CS: variants seen among roughly 807,000 people sequenced by gnomAD.
CS encodes the protein citrate synthase.
In CS, 13 loss-of-function variants were observed where a neutral mutation model predicts 61.4. The ratio of observed to expected loss-of-function variants is 0.21; its 90% CI spans 0.14 to 0.34. CS has a LOEUF of 0.34. CS is among the 10% of genes least tolerant of loss of function. The pLI, the probability that CS is intolerant of heterozygous loss-of-function variation, is 1.00. For synonymous variants in CS, 159 were observed against 215.2 expected, an observed-to-expected ratio of 0.74 and a Z score of 2.29; for missense variants, 278 against 573.4, an observed-to-expected ratio of 0.48 and a Z score of 5.26.
intron 2 of CS, 166 bp from the exon 3 acceptor site, chr12:56,286,189 A>C: frequency 1.6e-6 from 1 of 606,954 alleles, no homozygotes; most frequent in Non-Finnish European, 2.9e-6. Flanking sequence ...CAGGGGGAAG[A>C]AGGAATGAGG....
intron 7 of CS, 189 bp downstream of exon 7, chr12:56,275,807 G>A: frequency 1.6e-6 from 1 of 607,136 alleles, no homozygotes; most frequent in South Asian, 2.0e-5. Flanking sequence ...CATGGTTACA[G>A]TAATTTCTTT....
intron 6 of CS, among the ~76,000 whole-genome samples, chr12:56,278,373 C>G (rs1371463585): frequency 6.6e-6 from 1 of 152,138 alleles, no homozygotes; most frequent in Non-Finnish European, 1.5e-5. Context: ...GGTTATCCAC[C>G]TTCCTCGGCC....
At position 56,272,519 on chromosome 12, in the gene CS, C is replaced by T. The variant is rs1872541342; in HGVS notation, c.*565G>A. ...ATTGGGTGCCAGTCACAACAAATGC[C>T]ATGCCTTTATGGTCACTTGGTAGTA... On this transcript the variant is annotated 3_prime_UTR_variant, in exon 11 of 11. Transcript: ENST00000351328. The T allele has an allele frequency of 6.6e-6, 1 of 152,548 alleles. No individual in the cohort carries two copies. The highest frequency in any genetic ancestry group is 2.1e-4 in the South Asian group (1 of 4,836). 9.4% of individuals were successfully genotyped at this position (152,548 alleles called of 1,614,324 possible).
intron 6 of CS, 82 bp from the exon 7 acceptor site, chr12:56,276,277 A>G (rs1872622186): frequency 7.4e-7 from 1 of 1,350,306 alleles, no homozygotes. Flanking sequence ...TCTGTCCTCC[A>G]TGAATTGGGG....
At chr12:56,278,602 T>G (rs1183223483) in intron 6 of CS, among the ~76,000 whole-genome samples, 1 of 151,680 alleles carries the variant, frequency 6.6e-6, no homozygotes, top group Non-Finnish European at 1.5e-5. Context: ...ATGGGCGTGG[T>G]GGCTTGCACC....
intron 1 of CS, among the ~76,000 whole-genome samples, chr12:56,289,841 C>T (rs1318964619): frequency 1.3e-5 from 2 of 152,150 alleles, no homozygotes; most frequent in Non-Finnish European, 2.9e-5. Flanking sequence ...CTTCCTACCT[C>T]AGTCTCCCAC....
At chr12:56,288,346 A>ATTTT (rs1164867172) in intron 1 of CS, among the ~76,000 whole-genome samples, 9 of 123,136 alleles carry the variant, frequency 7.3e-5, no homozygotes, top group Non-Finnish European at 1.0e-4. Flanking sequence ...GCTTTTTAGA[A>ATTTT]TTTTTTTTTT....
chr12:56,297,995 C>A (rs574359101), intron 1 of CS, among the ~76,000 whole-genome samples: 2 of 152,056 alleles, frequency 1.3e-5, no homozygotes, highest in Non-Finnish European at 2.9e-5. Context: ...TGCTACCCCC[C>A]CCGCCCTTTT....
At chr12:56,294,906 T>C (rs1012966135) in intron 1 of CS, among the ~76,000 whole-genome samples, 1 of 152,012 alleles carries the variant, frequency 6.6e-6, no homozygotes, top group Non-Finnish European at 1.5e-5. Context: ...GTAGCTGGGA[T>C]TACAGGCAGC....
intron 1 of CS, chr12:56,291,849 T>C (rs535710909): frequency 2.6e-5 from 4 of 152,364 alleles, no homozygotes; most frequent in Admixed American, 2.6e-4. Context: ...TGGCTCACAA[T>C]GTCTGACAGC....
At chr12:56,279,494 C>T (rs752208361) in intron 6 of CS, among the ~76,000 whole-genome samples, 4 of 151,880 alleles carry the variant, frequency 2.6e-5, no homozygotes, top group African/African-American at 7.3e-5. Flanking sequence ...AGGCCAGGCG[C>T]GGTGGCTCAC....
At chr12:56,287,289 G>A (rs577953999) in intron 1 of CS, among the ~76,000 whole-genome samples, 1 of 152,150 alleles carries the variant, frequency 6.6e-6, no homozygotes, top group South Asian at 2.1e-4. Flanking sequence ...AGACCAGCCT[G>A]GCCAACATGG....
rs775499901 is a variant in CS, at chr12:56,300,218, G to T, written c.-17C>A. On this transcript the variant is annotated 5_prime_UTR_variant, in exon 1 of 11. Transcript: ENST00000351328. ...TAAAGCCATGGCGGGCGATCTCCGG[G>T]ATCTGGTGGGGAGGTAAGAAAGGGA... 11 of 1,557,864 alleles carry T rather than the reference G, an allele frequency of 7.1e-6. No individual in the cohort carries two copies. The highest frequency in any genetic ancestry group is 9.5e-6 in the Non-Finnish European group (11 of 1,153,208).
chr12:56,282,788 T>G (rs184765034), intron 5 of CS, 72 bp downstream of exon 5: 4 of 1,601,606 alleles, frequency 2.5e-6, no homozygotes, highest in East Asian at 4.5e-5. Flanking sequence ...GGATCAGCAT[T>G]AAGTGTCTGA....
intron 9 of CS, 169 bp from the exon 10 acceptor site, chr12:56,273,965 C>A: frequency 1.6e-6 from 1 of 606,294 alleles, no homozygotes; most frequent in Non-Finnish European, 2.9e-6. Context: ...TCCAGAGTAG[C>A]TGGGACCACA....
At chr12:56,276,472 T>A (rs886393326) in intron 6 of CS, among the ~76,000 whole-genome samples, 1 of 152,244 alleles carries the variant, frequency 6.6e-6, no homozygotes, top group African/African-American at 2.4e-5. Flanking sequence ...AAGTATATAA[T>A]GACTGCCATT....
At chr12:56,293,359 C>T (rs1873193504) in intron 1 of CS, among the ~76,000 whole-genome samples, 1 of 152,184 alleles carries the variant, frequency 6.6e-6, no homozygotes, top group South Asian at 2.1e-4. Flanking sequence ...GTGGCTCATG[C>T]CTATAATCCC....
At chr12:56,284,477 T>C (rs1408992433) in intron 3 of CS, among the ~76,000 whole-genome samples, 1 of 151,214 alleles carries the variant, frequency 6.6e-6, no homozygotes, top group Non-Finnish European at 1.5e-5. Context: ...AGTGGCACAA[T>C]CACGGCTTAC....
chr12:56,288,156 G>A (rs1018577086), intron 1 of CS, among the ~76,000 whole-genome samples: 4 of 152,130 alleles, frequency 2.6e-5, no homozygotes, highest in African/African-American at 9.7e-5. Flanking sequence ...CTAAATTACA[G>A]TGGATATAAA....
Sources: allele counts gnomAD v4.1 joint callset (sites outside exome capture counted in the v4.1 genomes callset), GRCh38; gene constraint gnomAD v4.1.1; transcripts MANE v1.5; gene names NCBI Gene and HGNC (gene_info 2026-07-23, HGNC 2026-07-21).